Variants in LRRC8B observed in about 807,000 individuals in gnomAD.
The protein encoded by LRRC8B is volume-regulated anion channel subunit LRRC8B.
A neutral mutation model predicts 58.8 loss-of-function variants in LRRC8B; 23 were observed. The ratio of observed to expected loss-of-function variants is 0.39; its 90% confidence interval spans 0.28 to 0.55. LRRC8B has a LOEUF of 0.55. Among genes scored for constraint, LRRC8B ranks in the 20% least tolerant of loss-of-function variants. The probability of loss-of-function intolerance (pLI) is 0.62; values close to 1 mark genes in which losing one functional copy is unlikely to be tolerated. For missense variants in LRRC8B, 694 were observed against 936.0 expected (o/e 0.74, Z 3.37); for synonymous variants, 359 against 374.1 (o/e 0.96, Z 0.47).
chr1:89,594,202 CTTACTG>C lies in LRRC8B; in HGVS notation c.*1163_*1168del, dbSNP rs1368175910. Reference sequence around the variant, plus strand: ...TAGAATTTGTGCATTTCTTTATGAACTTACTGTTAGTGTTCTTGGTTTCGGCTGTTT... The same window carrying C: ...TAGAATTTGTGCATTTCTTTATGAACTTAGTGTTCTTGGTTTCGGCTGTTT... On this transcript the variant is annotated 3_prime_UTR_variant, in exon 6 of 6. Coordinates refer to ENST00000330947, the MANE Select transcript of LRRC8B (RefSeq NM_001369817.2). 2.6e-5 allele frequency: 4 copies of C among 152,112 alleles called. No homozygotes were observed. The highest frequency in any genetic ancestry group is 4.4e-5 in the Non-Finnish European group (3 of 68,008). 9.4% of individuals were successfully genotyped at this position (152,112 alleles called of 1,614,324 possible). A position where few individuals can be genotyped will look rare whatever the true frequency, so the allele number is the denominator to read the frequency against.
Position 89,542,442 on chromosome 1 carries a change from G to T in LRRC8B, c.-241+17420G>T, listed in dbSNP as rs958421486. On this transcript the variant is annotated intron_variant, in intron 1 of 5. Transcript: ENST00000330947. Reference sequence around the variant, plus strand: ...CCTGTTTGAGGACATCATGGGTTTTGTTTATTTTGTTGCTTCTCCAGGGCC... The same window carrying T: ...CCTGTTTGAGGACATCATGGGTTTTTTTTATTTTGTTGCTTCTCCAGGGCC... 1.7e-3 allele frequency among the ~76,000 whole-genome samples: 266 copies of T among 152,244 alleles called. 1 individual carries two copies. The highest frequency in any genetic ancestry group is 2.3e-3 in the Non-Finnish European group (158 of 68,006).
At chr1:89,562,473 C>CTT (rs559949561) in intron 1 of LRRC8B, among the ~76,000 whole-genome samples, 2 of 149,012 alleles carry the variant, frequency 1.3e-5, no homozygotes, top group Non-Finnish European at 3.0e-5. Flanking sequence ...GCTATTTATC[C>CTT]TTTTTTTTTT....
chr1:89,572,140 C>A (rs1653518242), intron 3 of LRRC8B, among the ~76,000 whole-genome samples: 2 of 152,100 alleles, frequency 1.3e-5, no homozygotes, highest in Non-Finnish European at 2.9e-5. Context: ...GTTAAAATTT[C>A]TTTTCTTTAA....
chr1:89,563,079 A>G (rs1371739473), intron 1 of LRRC8B, among the ~76,000 whole-genome samples: 2 of 152,182 alleles, frequency 1.3e-5, no homozygotes, highest in Admixed American at 1.3e-4. Flanking sequence ...GAGACCAACA[A>G]TATATTTAAT....
chr1:89,575,733 C>T (rs781350382), intron 3 of LRRC8B, among the ~76,000 whole-genome samples: 2 of 151,900 alleles, frequency 1.3e-5, no homozygotes, highest in Non-Finnish European at 2.9e-5. Context: ...TTTATTGTGC[C>T]CCATGTGCTG....
At chr1:89,536,774 C>A (rs772247180) in intron 1 of LRRC8B, among the ~76,000 whole-genome samples, 2 of 152,120 alleles carry the variant, frequency 1.3e-5, no homozygotes, top group Non-Finnish European at 2.9e-5. Context: ...GTATGATGCT[C>A]ACCTGAGTCT....
rs572480017 is a variant in LRRC8B, at chr1:89,531,377, A to G, written c.-241+6355A>G. Among the ~76,000 whole-genome samples the G allele has an allele frequency of 5.3e-5, 8 of 152,354 alleles. No homozygotes were observed. The East Asian group carries it at 1.5e-3, about 29-fold the overall frequency. On this transcript the variant is annotated intron_variant, in intron 1 of 5. Transcript: ENST00000330947. The stretch of plus-strand genomic sequence containing the variant: ...TATAAAATATTTTAAAAACTCAAAG[A>G]AATGGCCAGATGGTTAATGCTTATA...
chr1:89,540,144 T>G (rs1377979934), intron 1 of LRRC8B, among the ~76,000 whole-genome samples: 8 of 152,210 alleles, frequency 5.3e-5, no homozygotes, highest in Non-Finnish European at 1.0e-4. Context: ...ACCTGGACAA[T>G]TATTTTTAAG....
intron 1 of LRRC8B, among the ~76,000 whole-genome samples, chr1:89,548,462 G>A (rs1195208125): frequency 6.6e-6 from 1 of 152,158 alleles, no homozygotes; most frequent in East Asian, 1.9e-4. Context: ...GGACAGAGAA[G>A]GACAATCAGA....
At chr1:89,578,016 T>C (rs933539823) in intron 3 of LRRC8B, among the ~76,000 whole-genome samples, 1 of 152,170 alleles carries the variant, frequency 6.6e-6, no homozygotes, top group African/African-American at 2.4e-5. Context: ...AGTTGCAACT[T>C]TATTTCTTAG....
chr1:89,563,676 TTAC>T (rs1652845403), intron 1 of LRRC8B, among the ~76,000 whole-genome samples: 1 of 152,196 alleles, frequency 6.6e-6, no homozygotes, highest in African/African-American at 2.4e-5. Flanking sequence ...TTAGATAAAG[TTAC>T]TACTATGTTA....
chr1:89,542,531 T>C (rs1651090604), intron 1 of LRRC8B, among the ~76,000 whole-genome samples: 1 of 152,232 alleles, frequency 6.6e-6, no homozygotes, highest in African/African-American at 2.4e-5. Context: ...AATGAATGAA[T>C]GAATCCATGT....
intron 3 of LRRC8B, among the ~76,000 whole-genome samples, chr1:89,573,974 G>A (rs758633101): frequency 1.3e-5 from 2 of 152,240 alleles, no homozygotes; most frequent in African/African-American, 2.4e-5. Context: ...ATGGTGTGGA[G>A]TAATTTCCAA....
chr1:89,566,797 C>T (rs1006285371), intron 1 of LRRC8B, among the ~76,000 whole-genome samples: 1 of 152,184 alleles, frequency 6.6e-6, no homozygotes, highest in Admixed American at 6.6e-5. Flanking sequence ...CTGATTGCTG[C>T]TGTGTTGTTC....
chr1:89,578,192 T>C (rs1430974864), intron 3 of LRRC8B, among the ~76,000 whole-genome samples: 5 of 152,236 alleles, frequency 3.3e-5, no homozygotes, highest in Non-Finnish European at 5.9e-5. Flanking sequence ...GTTAAATTAT[T>C]AATAAAGTAG....
chr1:89,529,657 T>C (rs716832), intron 1 of LRRC8B, among the ~76,000 whole-genome samples: 35,050 of 152,140 alleles, frequency 0.23, 4,518 homozygotes, highest in Admixed American at 0.34. Flanking sequence ...TTCTATTTTT[T>C]AGAAAGTTAT....
chr1:89,567,952 G>A (rs1185365182), intron 1 of LRRC8B, among the ~76,000 whole-genome samples: 1 of 152,102 alleles, frequency 6.6e-6, no homozygotes, highest in African/African-American at 2.4e-5. Context: ...TCTCAGTATT[G>A]TGCCATTGAA....
intron 5 of LRRC8B, among the ~76,000 whole-genome samples, chr1:89,592,303 G>T (rs1288895098): frequency 6.6e-6 from 1 of 151,964 alleles, no homozygotes; most frequent in Non-Finnish European, 1.5e-5. Context: ...AGAGAATAAG[G>T]TTTTCAGTCT....
rs1557622911 is a variant in LRRC8B, at chr1:89,584,393, G to A, written c.1743G>A (p.Leu581=). 1.9e-6 allele frequency: 3 copies of A among 1,613,952 alleles called. 1 individual carries two copies. In the South Asian group the frequency reaches 3.3e-5, roughly 18 times the overall value. ...EGSKLVVLNN[L]KKMVNLKSLE... ...GCAAACTGGTTGTGTTGAACAACTT[G>A]AAAAAGATGGTCAATCTGAAAAGCC... The change falls in exon 5 of 6, where the codon TTG becomes TTA. Residue 581 remains leucine, a synonymous_variant. Coordinates refer to ENST00000330947, the MANE Select transcript of LRRC8B (RefSeq NM_001369817.2).
Sources: gnomAD v4.1 joint callset for allele counts (sites outside exome capture counted in the v4.1 genomes callset) on GRCh38, gnomAD v4.1.1 for gene constraint, MANE v1.5 for transcripts, NCBI Gene and HGNC (gene_info 2026-07-23, HGNC 2026-07-21) for gene names.